Variants in TFCP2 observed in about 807,000 individuals in gnomAD.
TFCP2 encodes transcription factor CP2.
Under a neutral mutation model 73.4 loss-of-function variants are expected in TFCP2, and 33 were observed. The observed-to-expected ratio is 0.45, with a 90% CI of 0.34 to 0.60. The LOEUF is 0.60. TFCP2 is among the 20% of genes least tolerant of loss of function. The pLI is 0.01. For synonymous variants in TFCP2, 193 were observed against 211.6 expected (o/e 0.91, Z 0.76); for missense variants, 352 against 604.0 (o/e 0.58, Z 4.37).
chr12:51,140,466 T>TG (rs1763967688), intron 1 of TFCP2, among the ~76,000 whole-genome samples: 1 of 138,444 alleles, frequency 7.2e-6, no homozygotes, highest in Non-Finnish European at 1.5e-5. Flanking sequence ...TTTTTTTTTT[T>TG]GTAGAGGTGG....
At chr12:51,110,736 C>T in intron 5 of TFCP2, 141 bp downstream of exon 5, 1 of 584,528 alleles carries the variant, frequency 1.7e-6, no homozygotes, top group South Asian at 2.6e-5. Flanking sequence ...TGCTCTCAGG[C>T]ACAGGTTAAA....
intron 14 of TFCP2, among the ~76,000 whole-genome samples, 173 bp downstream of exon 14, chr12:51,095,816 A>AC (rs1263739165): frequency 6.7e-6 from 1 of 149,850 alleles, no homozygotes; most frequent in Non-Finnish European, 1.5e-5. Context: ...TCTGTTTCAA[A>AC]AAAAAAAAAA....
In TFCP2 at chr12:51,150,988, G is replaced by C. The variant is rs545987299; in HGVS notation, c.122+21313C>G. 2.0e-5 allele frequency among the ~76,000 whole-genome samples: 3 copies of C among 152,208 alleles called. No homozygotes were observed. The East Asian group carries it at 5.8e-4, about 29-fold the overall frequency. ...GAAGAAATAAAGCAGAGGGGGTAAA[G>C]AAAGCAAGGAGTGCTGGTGAGGGGG... On this transcript the variant is annotated intron_variant, in intron 1 of 14. Coordinates refer to ENST00000257915, the MANE Select transcript of TFCP2 (RefSeq NM_005653.5).
chr12:51,138,556 C>T (rs562760252), intron 1 of TFCP2, among the ~76,000 whole-genome samples: 90 of 152,302 alleles, frequency 5.9e-4, no homozygotes, highest in Non-Finnish European at 9.7e-4. Context: ...TAGGCTCTAA[C>T]CATCTCTCCT....
At chr12:51,135,145 G>A (rs1033865328) in intron 1 of TFCP2, among the ~76,000 whole-genome samples, 2 of 151,108 alleles carry the variant, frequency 1.3e-5, no homozygotes, top group African/African-American at 4.9e-5. Context: ...TACAATTCAG[G>A]GCCAGGCACA....
intron 7 of TFCP2, chr12:51,106,882 GCAGCACA>G (rs1940259716): frequency 4.1e-6 from 2 of 489,426 alleles, no homozygotes; most frequent in Admixed American, 7.6e-5. Context: ...AGAACCAAAG[GCAGCACA>G]CAGCTCTTCC....
chr12:51,132,357 C>CTTTTTTTTTTTTTTTTTTTTTTTTTT (rs869123355), intron 1 of TFCP2, among the ~76,000 whole-genome samples: 1 of 61,788 alleles, frequency 1.6e-5, no homozygotes, highest in Non-Finnish European at 2.9e-5. Context: ...AGGGATTAGT[C>CTTTTTTTTTTTTTTTTTTTTTTTTTT]TTTTTTTTTT....
intron 3 of TFCP2, 113 bp from the exon 4 acceptor site, chr12:51,116,533 A>C (rs770384182): frequency 6.1e-6 from 3 of 492,394 alleles, no homozygotes; most frequent in Admixed American, 7.4e-5. Flanking sequence ...ATCTAAAATT[A>C]TTTTTCTTAA....
At chr12:51,155,720 T>C (rs900193588) in intron 1 of TFCP2, among the ~76,000 whole-genome samples, 11 of 151,740 alleles carry the variant, frequency 7.2e-5, no homozygotes, top group Admixed American at 1.3e-4. Flanking sequence ...ATTTTGTTGA[T>C]GATTTTTACA....
At chr12:51,124,359 C>A (rs1409661989) in intron 1 of TFCP2, among the ~76,000 whole-genome samples, 4 of 152,094 alleles carry the variant, frequency 2.6e-5, no homozygotes, top group Non-Finnish European at 5.9e-5. Flanking sequence ...TCCCAAAGTG[C>A]TAGAATTACA....
intron 8 of TFCP2, among the ~76,000 whole-genome samples, chr12:51,105,071 G>T (rs866510194): frequency 6.7e-6 from 1 of 149,780 alleles, no homozygotes; most frequent in East Asian, 2.0e-4. Context: ...TGATCCAAGG[G>T]TTATCTCCAC....
At chr12:51,107,614 C>CTT (rs1001887563) in intron 6 of TFCP2, among the ~76,000 whole-genome samples, 1 of 149,494 alleles carries the variant, frequency 6.7e-6, no homozygotes, top group African/African-American at 2.5e-5. Context: ...ACATTTCTTT[C>CTT]TTTTTTTTTT....
intron 8 of TFCP2, among the ~76,000 whole-genome samples, chr12:51,104,497 A>C (rs1262102470): frequency 1.3e-5 from 2 of 152,196 alleles, no homozygotes; most frequent in East Asian, 3.8e-4. Context: ...TTATGGCATA[A>C]AAATATTTAA....
chr12:51,125,458 T>A, intron 1 of TFCP2: 1 of 375,696 alleles, frequency 2.7e-6, no homozygotes, highest in Admixed American at 3.6e-5. Flanking sequence ...GACCTCCATA[T>A]GAATCAACCA....
Position 51,172,497 on chromosome 12 carries a change from T to A in TFCP2, c.-75A>T, listed in dbSNP as rs1941883023. 3.1e-6 allele frequency: 5 copies of A among 1,590,104 alleles called. No homozygotes were observed. The highest frequency in any genetic ancestry group is 4.3e-6 in the Non-Finnish European group (5 of 1,169,404). ...GGAGGGTAATTCTACCCAACAGGAG[T>A]AACGCAAACCAAGAAAACTACAAAC... is the stretch of plus-strand genomic sequence containing the variant. On this transcript the variant is annotated 5_prime_UTR_variant, in exon 1 of 15. Coordinates refer to ENST00000257915, the MANE Select transcript of TFCP2 (RefSeq NM_005653.5).
rs1213342605 is a variant in TFCP2, at chr12:51,126,175, G to A, written c.123-7403C>T. On this transcript the variant is annotated intron_variant, in intron 1 of 14. Coordinates refer to ENST00000257915, the MANE Select transcript of TFCP2 (RefSeq NM_005653.5). Reference sequence around the variant, plus strand: ...GTGAACCCGGGAGGCGGAGCTTGTAGTGAGCCGAGATTGCGCTACTGCACT... The same window carrying A: ...GTGAACCCGGGAGGCGGAGCTTGTAATGAGCCGAGATTGCGCTACTGCACT... Among the ~76,000 whole-genome samples the A allele has an allele frequency of 2.1e-5, 3 of 145,176 alleles. No homozygotes were observed. The South Asian group carries it at 6.6e-4, about 32-fold the overall frequency.
chr12:51,169,082 G>A (rs1290481838), intron 1 of TFCP2, among the ~76,000 whole-genome samples: 5 of 151,950 alleles, frequency 3.3e-5, no homozygotes, highest in South Asian at 2.1e-4. Context: ...GATTACAGGC[G>A]TGAGCCACCA....
chr12:51,160,384 C>T lies in TFCP2; in HGVS notation c.122+11917G>A, dbSNP rs1430629848. Among the ~76,000 whole-genome samples, 10 of 152,116 alleles carry T rather than the reference C, an allele frequency of 6.6e-5. 1 individual carries two copies. The highest frequency in any genetic ancestry group is 5.2e-4 in the Admixed American group (8 of 15,262). ...ACTCCTGACCTCGTGATCCACCTGC[C>T]TTGGCCTCCCAAAGGGCTGGGATTA... On this transcript the variant is annotated intron_variant, in intron 1 of 14. Coordinates refer to ENST00000257915, the MANE Select transcript of TFCP2 (RefSeq NM_005653.5).
intron 1 of TFCP2, among the ~76,000 whole-genome samples, chr12:51,144,530 A>G (rs561750491): frequency 1.3e-5 from 2 of 152,344 alleles, no homozygotes; most frequent in Admixed American, 1.3e-4. Flanking sequence ...CCACATATAT[A>G]GAAATTTGAT....
Sources: allele counts gnomAD v4.1 joint callset (sites outside exome capture counted in the v4.1 genomes callset), GRCh38; gene constraint gnomAD v4.1.1; transcripts MANE v1.5; gene names NCBI Gene and HGNC (gene_info 2026-07-23, HGNC 2026-07-21).